TSEN15: variants seen among roughly 807,000 people sequenced by gnomAD.
TSEN15 encodes the protein tRNA-splicing endonuclease subunit Sen15.
A neutral mutation model predicts 20.5 loss-of-function variants in TSEN15; 10 were observed. That is an observed-to-expected ratio of 0.49 (90% CI 0.30 to 0.83). The LOEUF (loss-of-function observed/expected upper bound fraction) is 0.83. TSEN15 is among the 40% of genes least tolerant of loss of function. The probability of loss-of-function intolerance (pLI) is 0.06; values close to 1 mark genes in which losing one functional copy is unlikely to be tolerated. For synonymous variants in TSEN15, 72 were observed against 80.1 expected (o/e 0.90, Z 0.54); for missense variants, 180 against 218.6 (o/e 0.82, Z 1.11).
At position 184,051,765 on chromosome 1, in the gene TSEN15, C is replaced by G. The variant is rs1003843934; in HGVS notation, c.10C>G (p.Arg4Gly). Residue 4 changes from arginine to glycine, a missense_variant, in exon 1 of 5, where the codon CGC (arginine) becomes GGC (glycine). Arg to Gly is a moderately radical substitution (Grantham distance 125). This residue lies in a region of TSEN15 where 76 missense variants were observed against 66.5 expected (regional missense o/e 1.14). Coordinates refer to ENST00000645668, the MANE Select transcript of TSEN15 (RefSeq NM_052965.4). MEE[R>G]GDSEPTPGCS... ...CGCCGCACCGGCCGGCATGGAGGAG[C>G]GCGGCGATTCCGAGCCGACCCCCGG... The G allele has an allele frequency of 1.3e-6, 2 of 1,491,770 alleles. No individual in the cohort carries two copies. Among genetic ancestry groups the G allele is most frequent in the East Asian group, 5.4e-5 (2 of 36,948 alleles). 92.4% of individuals were successfully genotyped at this position (1,491,770 alleles called of 1,614,324 possible). A position where few individuals can be genotyped will look rare whatever the true frequency, so the allele number is the denominator to read the frequency against.
At chr1:184,079,652 C>T (rs751677189) in intron 3 of TSEN15, among the ~76,000 whole-genome samples, 10 of 152,086 alleles carry the variant, frequency 6.6e-5, no homozygotes, top group Non-Finnish European at 1.3e-4. Flanking sequence ...AGAACACCAG[C>T]GCCATCAGAT....
chr1:184,072,121 C>T (rs1650904894), intron 3 of TSEN15, 36 bp from the exon 4 acceptor site: 2 of 1,604,514 alleles, frequency 1.2e-6, no homozygotes, highest in African/African-American at 2.7e-5. Flanking sequence ...AATTGAGTGA[C>T]CGCAACTCCT....
In TSEN15 at chr1:184,093,115, ATCT is replaced by A. The variant is rs552048538; in HGVS notation, c.354-2570_354-2568del. On this transcript the variant is annotated intron_variant, in intron 3 of 3. Transcript: ENST00000643231. Reference sequence around the variant, plus strand: ...TTTTCTTTCCGATCAATTCTGTTACATCTTCTTGTGAACACTAGGTACTGTTCT... The same window carrying A: ...TTTTCTTTCCGATCAATTCTGTTACATCTTGTGAACACTAGGTACTGTTCT... Among the ~76,000 whole-genome samples, 19 of 152,318 alleles carry A rather than the reference ATCT, an allele frequency of 1.2e-4. No individual in the cohort carries two copies. The East Asian group carries it at 3.5e-3, about 28-fold the overall frequency.
intron 3 of TSEN15, among the ~76,000 whole-genome samples, chr1:184,088,489 GA>G (rs745458157): frequency 2.2e-4 from 34 of 151,728 alleles, no homozygotes; most frequent in Non-Finnish European, 5.9e-5. Flanking sequence ...AAAGAAAGAA[GA>G]AAAGAATTCC....
intron 3 of TSEN15, among the ~76,000 whole-genome samples, chr1:184,091,032 T>C (rs572941451): frequency 1.3e-5 from 2 of 152,198 alleles, no homozygotes; most frequent in Non-Finnish European, 2.9e-5. Context: ...AAGTCTTCCA[T>C]AGACATACTT....
intron 3 of TSEN15, among the ~76,000 whole-genome samples, chr1:184,071,697 G>C (rs1650889797): frequency 6.6e-6 from 1 of 151,800 alleles, no homozygotes; most frequent in Non-Finnish European, 1.5e-5. Flanking sequence ...TAGAAAAGAA[G>C]GTGATAAAGG....
downstream of TSEN15, among the ~76,000 whole-genome samples, chr1:184,075,929 A>G (rs144080375): frequency 2.6e-3 from 379 of 148,434 alleles, 2 homozygotes; most frequent in African/African-American, 6.8e-3. Context: ...TTTCTTAGCC[A>G]TATGAAAGTA....
In TSEN15 at chr1:184,083,620, G is replaced by A. The variant is rs1002801512; in HGVS notation, c.354-12070G>A. Among the ~76,000 whole-genome samples, 3 of 152,018 alleles carry A rather than the reference G, an allele frequency of 2.0e-5. No homozygotes were observed. The East Asian group carries it at 5.8e-4, about 29-fold the overall frequency. On this transcript the variant is annotated intron_variant, in intron 3 of 3. Coordinates refer to the TSEN15 transcript ENST00000643231. ...GGGGATGCTGTGGTTTTGAATATTG[G>A]GTGAAAAATTGGTCATCTCTTCTCC...
intron 4 of TSEN15, 126 bp from the exon 5 acceptor site, chr1:184,072,701 A>G (rs763910318): frequency 2.2e-5 from 17 of 762,794 alleles, no homozygotes; most frequent in Non-Finnish European, 3.5e-5. Flanking sequence ...TAAATGTGCT[A>G]TATGTGATTT....
intron 3 of TSEN15, among the ~76,000 whole-genome samples, chr1:184,070,197 A>G (rs982191371): frequency 3.3e-5 from 5 of 152,016 alleles, no homozygotes; most frequent in African/African-American, 4.8e-5. Flanking sequence ...AAATTTCACT[A>G]TATGGGCTAC....
intron 3 of TSEN15, among the ~76,000 whole-genome samples, chr1:184,064,354 G>A (rs1650570312): frequency 6.6e-6 from 1 of 152,160 alleles, no homozygotes; most frequent in Non-Finnish European, 1.5e-5. Flanking sequence ...GAGAGGGCCT[G>A]AAATTTGCCA....
chr1:184,082,452 G>A (rs1651187825), intron 3 of TSEN15, among the ~76,000 whole-genome samples: 1 of 152,142 alleles, frequency 6.6e-6, no homozygotes, highest in Admixed American at 6.6e-5. Flanking sequence ...AAGATCCTAA[G>A]AGTCTGAGAT....
intron 3 of TSEN15, among the ~76,000 whole-genome samples, chr1:184,080,792 T>C (rs1046388971): frequency 1.3e-5 from 2 of 152,144 alleles, no homozygotes; most frequent in African/African-American, 4.8e-5. Flanking sequence ...TCCAGAAACT[T>C]ATAAATGATC....
chr1:184,078,661 T>A (rs1651108709), downstream of TSEN15, among the ~76,000 whole-genome samples: 2 of 152,180 alleles, frequency 1.3e-5, no homozygotes, highest in South Asian at 4.1e-4. Context: ...TAGAAGAATA[T>A]GTTACTAAAC....
chr1:184,080,377 T>A (rs1651143783), intron 3 of TSEN15, among the ~76,000 whole-genome samples: 1 of 152,156 alleles, frequency 6.6e-6, no homozygotes, highest in East Asian at 1.9e-4. Context: ...GAGTGGGTAA[T>A]GCAGATTAGA....
downstream of TSEN15, among the ~76,000 whole-genome samples, chr1:184,077,951 T>G (rs554054821): frequency 2.0e-5 from 3 of 152,144 alleles, no homozygotes; most frequent in African/African-American, 7.2e-5. Flanking sequence ...TTTAGAAAAT[T>G]ACATAAACTT....
chr1:184,065,823 G>T (rs1307494417), intron 3 of TSEN15, among the ~76,000 whole-genome samples: 1 of 152,110 alleles, frequency 6.6e-6, no homozygotes, highest in Non-Finnish European at 1.5e-5. Flanking sequence ...TGTCTGTTCA[G>T]ATTTTTTGCC....
Position 184,051,752 on chromosome 1 carries a change from C to T in TSEN15, c.-4C>T, listed in dbSNP as rs1390383831. The T allele has an allele frequency of 2.1e-6, 3 of 1,459,032 alleles. No individual in the cohort carries two copies. Among genetic ancestry groups the T allele is most frequent in the Middle Eastern group, 2.1e-4 (1 of 4,716 alleles). 90.4% of individuals were successfully genotyped at this position (1,459,032 alleles called of 1,614,324 possible). On this transcript the variant is annotated 5_prime_UTR_variant, in exon 1 of 5. Transcript: ENST00000645668. ...TGCACCACGGGAGCGCCGCACCGGC[C>T]GGCATGGAGGAGCGCGGCGATTCCG...
rs1178972869 is a variant in TSEN15, at chr1:184,072,850, T to C, written c.*3T>C. 1.2e-6 allele frequency: 2 copies of C among 1,605,822 alleles called. No homozygotes were observed. The highest frequency in any genetic ancestry group is 3.4e-5 in the Admixed American group (2 of 58,264). ...AGAATATTTCTCTTAGAAGATGACATCCATGTTTCCTGATGCTTGTTTTAT... is the reference window on the plus strand; with the variant it reads ...AGAATATTTCTCTTAGAAGATGACACCCATGTTTCCTGATGCTTGTTTTAT... On this transcript the variant is annotated 3_prime_UTR_variant, in exon 5 of 5. Transcript: ENST00000645668.
Sources: gnomAD v4.1 joint callset for allele counts (sites outside exome capture counted in the v4.1 genomes callset) on GRCh38, gnomAD v4.1.1 for gene constraint, gnomAD v4.1.1 regional missense constraint, MANE v1.5 for transcripts, NCBI Gene and HGNC (gene_info 2026-07-23, HGNC 2026-07-21) for gene names.